ARB2A: variants seen among roughly 807,000 people sequenced by gnomAD.
ARB2A encodes cotranscriptional regulator ARB2A.
the ARB2A span, among the ~76,000 whole-genome samples, chr5:93,914,945 G>A: frequency 6.6e-6 from 1 of 151,906 alleles, no homozygotes; most frequent in African/African-American, 2.4e-5. Context: ...CTATAAACGT[G>A]AATGGAACGA....
the ARB2A span, among the ~76,000 whole-genome samples, chr5:93,851,460 A>G: frequency 6.6e-6 from 1 of 151,984 alleles, no homozygotes; most frequent in African/African-American, 2.4e-5. Flanking sequence ...ACTTTATTTT[A>G]TTATTATTAT....
At chr5:93,709,700 T>C in the ARB2A span, among the ~76,000 whole-genome samples, 7 of 148,128 alleles carry the variant, frequency 4.7e-5, no homozygotes, top group Non-Finnish European at 7.4e-5. Flanking sequence ...GCAGATTATA[T>C]ATATTTAGTT....
the ARB2A span, among the ~76,000 whole-genome samples, chr5:93,995,778 T>C: frequency 6.6e-6 from 1 of 152,152 alleles, no homozygotes; most frequent in African/African-American, 2.4e-5. Flanking sequence ...CTTAAAAGTT[T>C]GACAAGAGGG....
chr5:94,018,593 G>A, the ARB2A span, among the ~76,000 whole-genome samples: 1 of 152,062 alleles, frequency 6.6e-6, no homozygotes, highest in East Asian at 1.9e-4. Context: ...CCATGAGCAT[G>A]AAATGTTTTT....
the ARB2A span, among the ~76,000 whole-genome samples, chr5:93,867,881 TATTAA>T: frequency 6.6e-6 from 1 of 152,170 alleles, no homozygotes; most frequent in Non-Finnish European, 1.5e-5. Context: ...TTTCTTCTCA[TATTAA>T]ATTAATGAAA....
At chr5:93,909,361 T>C in the ARB2A span, among the ~76,000 whole-genome samples, 2 of 151,028 alleles carry the variant, frequency 1.3e-5, no homozygotes, top group African/African-American at 4.8e-5. Flanking sequence ...AGATGTATGA[T>C]TAACTTGTCA....
At chr5:93,726,476 G>A in the ARB2A span, among the ~76,000 whole-genome samples, 5 of 151,962 alleles carry the variant, frequency 3.3e-5, no homozygotes, top group African/African-American at 7.2e-5. Flanking sequence ...AAGTTGCTGC[G>A]ACTGCCTGTA....
At chr5:94,019,921 T>C in the ARB2A span, among the ~76,000 whole-genome samples, 5 of 152,206 alleles carry the variant, frequency 3.3e-5, no homozygotes, top group African/African-American at 1.2e-4. Context: ...TAATGTTGGA[T>C]TTCCCTCACT....
At chr5:93,835,375 C>G in the ARB2A span, among the ~76,000 whole-genome samples, 1 of 152,206 alleles carries the variant, frequency 6.6e-6, no homozygotes, top group African/African-American at 2.4e-5. Context: ...GACAGGTTCA[C>G]ATATTTTCTG....
At chr5:93,784,582 A>G in the ARB2A span, 1 of 954,568 alleles carries the variant, frequency 1.0e-6, no homozygotes, top group East Asian at 2.6e-5. Flanking sequence ...GATAACAATA[A>G]TATTATATTA....
the ARB2A span, among the ~76,000 whole-genome samples, chr5:93,803,798 T>C: frequency 6.6e-6 from 1 of 151,928 alleles, no homozygotes; most frequent in Non-Finnish European, 1.5e-5. Flanking sequence ...ATGTGTTGAT[T>C]TGGGGAATGT....
the ARB2A span, among the ~76,000 whole-genome samples, chr5:94,073,070 T>C: frequency 2.0e-5 from 3 of 152,126 alleles, no homozygotes; most frequent in Non-Finnish European, 4.4e-5. Context: ...CATCTTGCCA[T>C]GTAAACGTGA....
the ARB2A span, among the ~76,000 whole-genome samples, chr5:93,703,055 T>C: frequency 2.0e-5 from 3 of 152,188 alleles, no homozygotes; most frequent in Non-Finnish European, 2.9e-5. Context: ...CACTCCCATA[T>C]AGTCCTTCTG....
the ARB2A span, among the ~76,000 whole-genome samples, chr5:93,949,109 T>C: frequency 6.6e-6 from 1 of 152,154 alleles, no homozygotes; most frequent in Non-Finnish European, 1.5e-5. Flanking sequence ...TACCACTGTG[T>C]TGTAAGTTAT....
chr5:94,008,318 C>G, the ARB2A span, among the ~76,000 whole-genome samples: 1 of 152,166 alleles, frequency 6.6e-6, no homozygotes. Context: ...CACACAAGCT[C>G]ACACTTTGCC....
the ARB2A span, among the ~76,000 whole-genome samples, chr5:93,646,790 C>G: frequency 6.6e-6 from 1 of 151,652 alleles, no homozygotes. Flanking sequence ...ATATAATATT[C>G]TAAGAAAACA....
chr5:93,849,478 C>T, the ARB2A span, among the ~76,000 whole-genome samples: 1 of 152,184 alleles, frequency 6.6e-6, no homozygotes. Context: ...CACACACACA[C>T]ACGCAGGATA....
the ARB2A span, among the ~76,000 whole-genome samples, chr5:93,840,703 C>A: frequency 6.6e-6 from 1 of 152,076 alleles, no homozygotes; most frequent in African/African-American, 2.4e-5. Context: ...TGCTTTCTCT[C>A]ATTTGGTTTT....
At chr5:93,863,307 G>C in the ARB2A span, 2 of 151,904 alleles carry the variant, frequency 1.3e-5, no homozygotes, top group African/African-American at 4.8e-5. Flanking sequence ...TCATTCTGTC[G>C]CTCAGGCTGG....
Sources: allele counts gnomAD v4.1 joint callset (sites outside exome capture counted in the v4.1 genomes callset), GRCh38; gene constraint gnomAD v4.1.1; transcripts MANE v1.5; gene names NCBI Gene and HGNC (gene_info 2026-07-23, HGNC 2026-07-21).